The following LRRIQ1 variants were observed in gnomAD, a reference collection of about 807,000 sequenced individuals.
LRRIQ1 encodes leucine-rich repeat- and IQ domain-containing protein 1.
In LRRIQ1, 210 loss-of-function variants were observed where a neutral mutation model predicts 211.9. The observed-to-expected ratio is 0.99, with a 90% confidence interval of 0.89 to 1.11. The LOEUF (loss-of-function observed/expected upper bound fraction) is 1.11. Among genes scored for constraint, LRRIQ1 ranks in the 50% most tolerant of loss-of-function variants. LRRIQ1 has a pLI of 0.00. For missense variants in LRRIQ1, 2,136 were observed against 1,939.5 expected (o/e 1.10, Z -1.90); for synonymous variants, 699 against 650.1 (o/e 1.08, Z -1.14).
intron 15 of LRRIQ1, among the ~76,000 whole-genome samples, chr12:85,117,306 T>C (rs1887650067): frequency 1.3e-5 from 2 of 152,212 alleles, no homozygotes; most frequent in Non-Finnish European, 2.9e-5. Context: ...ACAGGCATTA[T>C]TGCATTTGCA....
At chr12:85,088,290 G>A (rs1885039497) in intron 11 of LRRIQ1, among the ~76,000 whole-genome samples, 1 of 152,108 alleles carries the variant, frequency 6.6e-6, no homozygotes, top group Admixed American at 6.6e-5. Context: ...GCTCTGTTCT[G>A]TTCCATTGGT....
At position 85,055,993 on chromosome 12, in the gene LRRIQ1, A is replaced by G. The variant is rs1364071171; in HGVS notation, c.1200A>G (p.Leu400=). 6.2e-7 allele frequency: 1 copy of G among 1,609,328 alleles called. No homozygotes were observed. The highest frequency in any genetic ancestry group is 2.2e-5 in the East Asian group (1 of 44,666). ...ASQQLIISSA[L]KKSGYNNKHL... Reference sequence around the variant, plus strand: ...AACAGCTAATAATAAGTAGTGCATTAAAGAAGAGCGGATATAATAACAAAC... The same window carrying G: ...AACAGCTAATAATAAGTAGTGCATTGAAGAAGAGCGGATATAATAACAAAC... The change falls in exon 8 of 27, where the codon TTA becomes TTG. Residue 400 remains leucine (L), a synonymous_variant. Transcript: ENST00000393217.
At chr12:85,176,851 A>T (rs2136854420) in intron 24 of LRRIQ1, among the ~76,000 whole-genome samples, 1 of 152,248 alleles carries the variant, frequency 6.6e-6, no homozygotes, top group African/African-American at 2.4e-5. Flanking sequence ...ACTATGCATT[A>T]AATTACTTAT....
At chr12:85,266,580 T>C (rs1320066851), downstream of LRRIQ1, among the ~76,000 whole-genome samples, 1 of 152,158 alleles carries the variant, frequency 6.6e-6, no homozygotes, top group African/African-American at 2.4e-5. Context: ...TTCACATCCC[T>C]GTCAGCACTT....
chr12:85,047,324 CAGAA>C lies in LRRIQ1; in HGVS notation c.533_536del (p.Gln178ArgfsTer3), dbSNP rs773603687. 1.4e-5 allele frequency: 22 copies of C among 1,610,754 alleles called. No individual in the cohort carries two copies. In the South Asian group the frequency reaches 2.2e-4, roughly 16 times the overall value. On this transcript the variant is annotated frameshift_variant, in exon 6 of 27. Transcript: ENST00000393217. LOFTEE classifies it high-confidence loss of function. The stretch of plus-strand genomic sequence containing the variant: ...GTCTTTTGAGGCTTGGCAAGAGAAA[CAGAA>C]GGAATTAGAAGATAAAGAGAAACAA...
chr12:85,206,613 G>A (rs923550026), intron 24 of LRRIQ1, among the ~76,000 whole-genome samples: 2 of 152,102 alleles, frequency 1.3e-5, no homozygotes, highest in African/African-American at 4.8e-5. Context: ...GTGATTGCTA[G>A]CAAAGTGGCA....
intron 1 of LRRIQ1, among the ~76,000 whole-genome samples, chr12:85,251,623 A>G (rs1467107842): frequency 1.3e-5 from 2 of 151,914 alleles, no homozygotes; most frequent in African/African-American, 2.4e-5. Flanking sequence ...AGAAATTTGG[A>G]GTAGACCATA....
rs1880959156 is a variant in LRRIQ1 at position 85,055,820 on chromosome 12, C to T, written c.1027C>T (p.Gln343Ter). The T allele has an allele frequency of 1.9e-6, 3 of 1,557,300 alleles. No individual in the cohort carries two copies. The highest frequency in any genetic ancestry group is 2.6e-6 in the Non-Finnish European group (3 of 1,151,344). ...EENRKRLEEEQRIKEERKKQK... is the reference protein window; with the variant it reads ...EENRKRLEEE ...AAATCGAAAAAGATTAGAGGAGGAACAAAGGATAAAAGAAGAGAGAAAAAA... is the reference window on the plus strand; with the variant it reads ...AAATCGAAAAAGATTAGAGGAGGAATAAAGGATAAAAGAAGAGAGAAAAAA... Residue 343 changes from glutamine (Q) to a stop codon, truncating the protein, a stop_gained, in exon 8 of 27, where the codon CAA becomes TAA. Transcript: ENST00000393217. LOFTEE classifies it high-confidence loss of function.
At chr12:85,162,998 G>A (rs1890974680) in intron 24 of LRRIQ1, among the ~76,000 whole-genome samples, 1 of 152,086 alleles carries the variant, frequency 6.6e-6, no homozygotes, top group Non-Finnish European at 1.5e-5. Context: ...CGAAAAGTGA[G>A]GCAAAATCAT....
At chr12:85,184,280 G>A (rs2136901886) in intron 24 of LRRIQ1, among the ~76,000 whole-genome samples, 1 of 152,044 alleles carries the variant, frequency 6.6e-6, no homozygotes, top group Non-Finnish European at 1.5e-5. Context: ...ATCACCAGAT[G>A]TCTCTGAAAG....
At position 85,124,218 on chromosome 12, in the gene LRRIQ1, G is replaced by A. The variant is rs547843247; in HGVS notation, c.3706G>A (p.Ala1236Thr). The change falls in exon 17 of 27, where the codon GCC (alanine) becomes ACC (threonine). Residue 1236 changes from alanine (A) to threonine (T), a missense_variant. By Grantham distance (58) the Ala-to-Thr change is moderately conservative (BLOSUM62 0). Transcript: ENST00000393217. Reference sequence around the variant, plus strand: ...ATCAGAAGCCCAGAAAAATCATTTGGCCCCTACAAACAGTGACAGCACTCT... The same window carrying A: ...ATCAGAAGCCCAGAAAAATCATTTGACCCCTACAAACAGTGACAGCACTCT... Reference protein sequence around the residue: ...DESEAQKNHLAPTNSDSTLQN... With the variant: ...DESEAQKNHLTPTNSDSTLQN... 2 of 1,613,972 alleles carry A rather than the reference G, an allele frequency of 1.2e-6. No individual in the cohort carries two copies. The highest frequency in any genetic ancestry group is 1.7e-6 in the Non-Finnish European group (2 of 1,179,984).
chr12:85,080,236 T>A (rs1400147162), intron 11 of LRRIQ1, among the ~76,000 whole-genome samples: 1 of 151,994 alleles, frequency 6.6e-6, no homozygotes, highest in Non-Finnish European at 1.5e-5. Flanking sequence ...ATTTTTGAGA[T>A]TTTTTTCTTT....
At chr12:85,119,625 C>G (rs1887828821) in intron 15 of LRRIQ1, among the ~76,000 whole-genome samples, 1 of 152,134 alleles carries the variant, frequency 6.6e-6, no homozygotes, top group African/African-American at 2.4e-5. Context: ...GCATTCCCAC[C>G]AGCAACGAAT....
intron 24 of LRRIQ1, among the ~76,000 whole-genome samples, chr12:85,211,937 T>C (rs1229754342): frequency 6.6e-6 from 1 of 152,126 alleles, no homozygotes; most frequent in African/African-American, 2.4e-5. Context: ...TCAGAAAAGG[T>C]GCTCTAAGTG....
At chr12:85,176,330 T>A (rs1463338491) in intron 24 of LRRIQ1, among the ~76,000 whole-genome samples, 1 of 152,042 alleles carries the variant, frequency 6.6e-6, no homozygotes, top group African/African-American at 2.4e-5. Flanking sequence ...TGTATAAGAA[T>A]GCCTGTGATT....
At chr12:85,040,017 T>C (rs1878678201) in intron 2 of LRRIQ1, among the ~76,000 whole-genome samples, 1 of 151,624 alleles carries the variant, frequency 6.6e-6, no homozygotes, top group Non-Finnish European at 1.5e-5. Flanking sequence ...AGATATTTTA[T>C]AATAGCTTAC....
intron 8 of LRRIQ1, among the ~76,000 whole-genome samples, chr12:85,061,163 C>G (rs1378445940): frequency 6.6e-6 from 1 of 151,706 alleles, no homozygotes; most frequent in Non-Finnish European, 1.5e-5. Flanking sequence ...GAAACATTTA[C>G]CCAACACCCA....
intron 24 of LRRIQ1, among the ~76,000 whole-genome samples, chr12:85,188,466 A>G (rs534935569): frequency 6.6e-6 from 1 of 152,284 alleles, no homozygotes; most frequent in African/African-American, 2.4e-5. Context: ...CAAATAATAT[A>G]AAAACCTTTG....
intron 19 of LRRIQ1, among the ~76,000 whole-genome samples, chr12:85,138,689 T>C (rs989228950): frequency 2.0e-5 from 3 of 151,526 alleles, no homozygotes; most frequent in African/African-American, 4.8e-5. Flanking sequence ...GTAAAGGTCA[T>C]ATGATATAAA....
Sources: allele counts gnomAD v4.1 joint callset (sites outside exome capture counted in the v4.1 genomes callset), GRCh38; gene constraint gnomAD v4.1.1; transcripts MANE v1.5; gene names NCBI Gene and HGNC (gene_info 2026-07-23, HGNC 2026-07-21).